ITGAD: variants seen among roughly 807,000 people sequenced by gnomAD.
The protein encoded by ITGAD is integrin subunit alpha D.
In ITGAD, 105 loss-of-function variants were observed where a neutral mutation model predicts 139.0. That is an observed-to-expected ratio of 0.76 (90% CI 0.65 to 0.89). The LOEUF is 0.89. ITGAD is among the 40% of genes least tolerant of loss of function. The pLI is 0.00. For synonymous variants in ITGAD, 569 were observed against 598.3 expected (o/e 0.95, Z 0.71); for missense variants, 1,384 against 1,487.3 (o/e 0.93, Z 1.14).
Position 31,423,905 on chromosome 16 carries a change from G to A in ITGAD, c.3106G>A (p.Glu1036Lys), listed in dbSNP as rs758604723. The change falls in exon 27 of 30, where the codon GAG becomes AAG. Residue 1036 changes from glutamate (E) to lysine (K), a missense_variant. By Grantham distance (56) the Glu-to-Lys change is moderately conservative. Coordinates refer to ENST00000389202, the MANE Select transcript of ITGAD (RefSeq NM_005353.3). ...RCDVPSFSVQ[E>K]ELDFTLKGNL... ...TGACGTCCCCTCCTTCAGCGTCCAGGAGGAGCTGGATTTCACCCTGAAGGG... is the reference window on the plus strand; with the variant it reads ...TGACGTCCCCTCCTTCAGCGTCCAGAAGGAGCTGGATTTCACCCTGAAGGG... The A allele has an allele frequency of 1.9e-6, 3 of 1,614,214 alleles. No individual in the cohort carries two copies. Among genetic ancestry groups the A allele is most frequent in the East Asian group, 2.2e-5 (1 of 44,882 alleles).
At chr16:31,405,266 T>A (rs2081508782) in intron 7 of ITGAD, among the ~76,000 whole-genome samples, 1 of 152,130 alleles carries the variant, frequency 6.6e-6, no homozygotes, top group South Asian at 2.1e-4. Flanking sequence ...ATTACAGGCG[T>A]GAGCCACCAT....
At position 31,405,749 on chromosome 16, in the gene ITGAD, C is replaced by T. The variant is rs185947168; in HGVS notation, c.705-1766C>T. Reference sequence around the variant, plus strand: ...CCTCCAGCTCCTGGGCTCAACAATCCTCCTGACTCAGCCTCCCGAGTTGGG... The same window carrying T: ...CCTCCAGCTCCTGGGCTCAACAATCTTCCTGACTCAGCCTCCCGAGTTGGG... On this transcript the variant is annotated intron_variant, in intron 7 of 29. Coordinates refer to ENST00000389202, the MANE Select transcript of ITGAD (RefSeq NM_005353.3). 1.5e-4 allele frequency among the ~76,000 whole-genome samples: 22 copies of T among 150,840 alleles called. 1 individual carries two copies. Among genetic ancestry groups the T allele is most frequent in the Admixed American group, 1.3e-3 (19 of 15,092 alleles).
chr16:31,412,935 C>T lies in ITGAD; in HGVS notation c.1805C>T (p.Ala602Val). ...DLTQDGLMDL[A>V]VGARGQVLLL... ...ACCCAGGATGGACTGATGGACCTGG[C>T]CGTGGGGGCCCGGGGCCAGGTGCTC... Residue 602 changes from alanine (A) to valine (V), a missense_variant, in exon 15 of 30, where the codon GCC becomes GTC. Transcript: ENST00000389202. 6.2e-7 allele frequency: 1 copy of T among 1,610,794 alleles called. No individual in the cohort carries two copies. The highest frequency in any genetic ancestry group is 8.5e-7 in the Non-Finnish European group (1 of 1,178,490).
chr16:31,403,327 C>CA lies in ITGAD; in HGVS notation c.559-167dup, dbSNP rs1241228637. On this transcript the variant is annotated intron_variant, in intron 6 of 29. Transcript: ENST00000389202. This position sits in a 1 kb window ranked among gnomAD's most constrained non-coding sequence, Gnocchi z 4.4. ...TGTCTCTACCAAAAACAAAACAAAA[C>CA]AAAAAACAAAGCCAGGCATGTGACG... 2 of 732,368 alleles carry CA rather than the reference C, an allele frequency of 2.7e-6. No homozygotes were observed. Among genetic ancestry groups the CA allele is most frequent in the African/African-American group, 3.6e-5 (2 of 56,198 alleles). The allele number at this position is 732,368 out of a possible 1,614,324, so 45.4% of individuals were successfully genotyped here.
chr16:31,414,000 A>G lies in ITGAD; in HGVS notation c.1997-451A>G, dbSNP rs2081809836. 2.0e-5 allele frequency among the ~76,000 whole-genome samples: 3 copies of G among 152,290 alleles called. No homozygotes were observed. The South Asian group carries it at 6.2e-4, about 32-fold the overall frequency. On this transcript the variant is annotated intron_variant, in intron 16 of 29. Coordinates refer to ENST00000389202, the MANE Select transcript of ITGAD (RefSeq NM_005353.3). ...GCTTCTTTCTTAGATTGTGAGGTTC[A>G]TGAGAGTGGGGGCCATATCTATCTA...
Position 31,397,857 on chromosome 16 carries a change from C to A in ITGAD, c.375C>A (p.Leu125=). 6.2e-7 allele frequency: 1 copy of A among 1,613,784 alleles called. No homozygotes were observed. The highest frequency in any genetic ancestry group is 8.5e-7 in the Non-Finnish European group (1 of 1,180,006). ...GENSYSKGSC[L]LLGSRWEIIQ... ...ACTCATACTCAAAGGGTTCCTGCCT[C>A]CTGCTGGGCTCGCGCTGGGAGATCA... Residue 125 remains leucine (L), a synonymous_variant, in exon 5 of 30, where the codon CTC becomes CTA. Transcript: ENST00000389202.
intron 16 of ITGAD, 116 bp from the exon 17 acceptor site, chr16:31,414,323 CCAGCACGTGGTA>C: frequency 1.1e-6 from 1 of 917,580 alleles, no homozygotes; most frequent in East Asian, 2.5e-5. Context: ...ACATGTATCC[CCAGCACGTGGTA>C]CAGTTCATGG....
rs78517822 is a variant in ITGAD, at chr16:31,418,158, T to C, written c.2583T>C (p.Ser861=). Residue 861 remains serine (S), a synonymous_variant, in exon 21 of 30, where the codon AGT becomes AGC. Transcript: ENST00000389202. ...EDEGLRSSRC[S]VNHPIFHEGS... ...AGGGCCTAAGAAGCAGCCGCTGCAG[T>C]GTCAACCACCCCATCTTCCATGAGG... The C allele has an allele frequency of 0.01, 16,286 of 1,614,026 alleles. 1,313 individuals are homozygous for C. In the African/African-American group the frequency reaches 0.18, roughly 18 times the overall value.
rs1416217993 is a variant in ITGAD, at chr16:31,426,128, A to G, written c.3486A>G (p.Ter1162=). ...SCVAPNVPLS[*] ...TGGCCCCAAATGTGCCTTTGTCCTA[A>G]TAATCCACTTTCCTGTTTATCTCTA... The change falls in exon 30 of 30, where the codon TAA becomes TAG. Residue 1162 remains the stop codon, a stop_retained_variant. Coordinates refer to ENST00000389202, the MANE Select transcript of ITGAD (RefSeq NM_005353.3). 1 of 1,591,154 alleles carries G rather than the reference A, an allele frequency of 6.3e-7. No individual in the cohort carries two copies. Among genetic ancestry groups the G allele is most frequent in the Non-Finnish European group, 8.6e-7 (1 of 1,159,542 alleles).
chr16:31,417,988 C>T, intron 20 of ITGAD, 87 bp from the exon 21 acceptor site: 1 of 999,388 alleles, frequency 1.0e-6, no homozygotes, highest in Non-Finnish European at 1.5e-6. Context: ...TGTCATTTTC[C>T]CTAGTGCTCT....
chr16:31,397,519 CGCTTA>C, intron 3 of ITGAD, 57 bp downstream of exon 3: 2 of 1,582,872 alleles, frequency 1.3e-6, no homozygotes, highest in Admixed American at 3.6e-5. Context: ...ACTGTGCCCC[CGCTTA>C]GCTTCCAGTC....
rs535989872 is a variant in ITGAD, at chr16:31,408,083, C to T, written c.1009+167C>T. Among the ~76,000 whole-genome samples the T allele has an allele frequency of 5.3e-5, 8 of 152,038 alleles. No individual in the cohort carries two copies. In the South Asian group the frequency reaches 1.7e-3, roughly 32 times the overall value. On this transcript the variant is annotated intron_variant, in intron 9 of 29. Coordinates refer to ENST00000389202, the MANE Select transcript of ITGAD (RefSeq NM_005353.3). ...GCCTCCTGGGTTCAAGTGATTCTCT[C>T]GCCTCAGCCTCCTGAGTACCTGGGA...
intron 10 of ITGAD, among the ~76,000 whole-genome samples, chr16:31,409,910 T>TAA (rs2081638045): frequency 3.1e-4 from 12 of 38,884 alleles, no homozygotes; most frequent in Non-Finnish European, 4.3e-4. Flanking sequence ...ACAGCCTGTC[T>TAA]CAAAAAAAAA....
chr16:31,395,295 A>G (rs1266381852), intron 2 of ITGAD, among the ~76,000 whole-genome samples: 3 of 151,982 alleles, frequency 2.0e-5, no homozygotes, highest in Non-Finnish European at 4.4e-5. Context: ...ACTCCAGCCT[A>G]GGTGACAGAG....
At chr16:31,405,375 C>T (rs1285145148) in intron 7 of ITGAD, among the ~76,000 whole-genome samples, 1 of 152,098 alleles carries the variant, frequency 6.6e-6, no homozygotes, top group Non-Finnish European at 1.5e-5. Context: ...AAAGCAAAAC[C>T]CAAACGGCAA....
At position 31,413,220 on chromosome 16, in the gene ITGAD, T is replaced by C. The variant is rs746176749; in HGVS notation, c.1970T>C (p.Ile657Thr). Residue 657 changes from isoleucine to threonine, a missense_variant, in exon 16 of 30, where the codon ATC (isoleucine) becomes ACC (threonine). Ile to Thr is a moderately conservative substitution (Grantham distance 89, BLOSUM62 -1). Transcript: ENST00000389202. ...EAGDATVCLT[I>T]QKSSLDQLGD... ...GGGGACGCCACCGTCTGTCTCACCATCCAGAAAAGCTCACTGGACCAGCTA... is the reference window on the plus strand; with the variant it reads ...GGGGACGCCACCGTCTGTCTCACCACCCAGAAAAGCTCACTGGACCAGCTA... The C allele has an allele frequency of 1.1e-5, 18 of 1,613,910 alleles. No homozygotes were observed. In the South Asian group the frequency reaches 1.4e-4, roughly 13 times the overall value.
intron 21 of ITGAD, 42 bp from the exon 22 acceptor site, chr16:31,418,259 G>T: frequency 6.2e-7 from 1 of 1,606,954 alleles, no homozygotes; most frequent in Non-Finnish European, 8.5e-7. Flanking sequence ...ACTCTGCCAT[G>T]CCCTTCCTTT....
At chr16:31,424,618 TGGA>T in intron 29 of ITGAD, 41 bp downstream of exon 29, 2 of 1,339,502 alleles carry the variant, frequency 1.5e-6, no homozygotes, top group Non-Finnish European at 2.1e-6. Flanking sequence ...TTTTTTGAGA[TGGA>T]GTTTCCACTC....
rs773911909 is a variant in ITGAD, at chr16:31,403,021, A to C, written c.559-479A>C. On this transcript the variant is annotated intron_variant, in intron 6 of 29. Transcript: ENST00000389202. The surrounding 1 kb of genome is among the most constrained non-coding windows in gnomAD (Gnocchi z 4.4). Reference sequence around the variant, plus strand: ...CAAAGTTATTTTTAATAAACTGTGAAGGAAATATCATTTGGTTTAGATTTT... The same window carrying C: ...CAAAGTTATTTTTAATAAACTGTGACGGAAATATCATTTGGTTTAGATTTT... Among the ~76,000 whole-genome samples the C allele has an allele frequency of 6.6e-6, 1 of 152,218 alleles. No homozygotes were observed. The highest frequency in any genetic ancestry group is 1.5e-5 in the Non-Finnish European group (1 of 68,038).
Sources: gnomAD v4.1 joint callset for allele counts (sites outside exome capture counted in the v4.1 genomes callset) on GRCh38, gnomAD v4.1.1 for gene constraint, Gnocchi (gnomAD v3.1) non-coding constraint, MANE v1.5 for transcripts, NCBI Gene and HGNC (gene_info 2026-07-23, HGNC 2026-07-21) for gene names.